Variants in CCDC73 observed in about 807,000 individuals in gnomAD.
CCDC73 encodes coiled-coil domain-containing protein 73.
A neutral mutation model predicts 116.5 loss-of-function variants in CCDC73; 95 were observed. That is an observed-to-expected ratio of 0.82 (90% confidence interval 0.69 to 0.97). The LOEUF (loss-of-function observed/expected upper bound fraction) is 0.97. Ranked by LOEUF, CCDC73 falls within the 50% of genes least tolerant of loss-of-function variation. The probability of loss-of-function intolerance (pLI) is 0.00; values close to 1 mark genes in which losing one functional copy is unlikely to be tolerated. For synonymous variants in CCDC73, 398 were observed against 401.3 expected, an observed-to-expected ratio of 0.99 and a Z score of 0.10; for missense variants, 1,066 against 1,206.8, an observed-to-expected ratio of 0.88 and a Z score of 1.73.
At chr11:32,698,323 C>A (rs1299874321) in intron 6 of CCDC73, among the ~76,000 whole-genome samples, 1 of 152,084 alleles carries the variant, frequency 6.6e-6, no homozygotes, top group African/African-American at 2.4e-5. Flanking sequence ...CACGCCCAGC[C>A]AACACTGAAG....
At chr11:32,696,702 C>T (rs893813027) in intron 6 of CCDC73, among the ~76,000 whole-genome samples, 1 of 152,038 alleles carries the variant, frequency 6.6e-6, no homozygotes, top group African/African-American at 2.4e-5. Context: ...GCTGGGATTA[C>T]AGGCATGAGC....
chr11:32,702,823 G>T, intron 4 of CCDC73, 50 bp downstream of exon 4: 2 of 1,217,860 alleles, frequency 1.6e-6, no homozygotes, highest in Non-Finnish European at 2.4e-6. Context: ...AGGAGGGGGA[G>T]GAAATGCAAT....
rs1421769618 is a variant in CCDC73, at chr11:32,676,990, T to C, written c.430-969A>G. On this transcript the variant is annotated intron_variant, in intron 7 of 17. Coordinates refer to ENST00000335185, the MANE Select transcript of CCDC73 (RefSeq NM_001008391.4). ...ATGACTTTTAACTCTTAAAAAATAT[T>C]ATGTTAATAAAATCAATAACACTTG... 2.0e-5 allele frequency among the ~76,000 whole-genome samples: 3 copies of C among 152,362 alleles called. No homozygotes were observed. In the East Asian group the frequency reaches 5.8e-4, roughly 29 times the overall value.
chr11:32,763,279 G>A (rs1850408605), intron 1 of CCDC73, among the ~76,000 whole-genome samples: 5 of 152,206 alleles, frequency 3.3e-5, no homozygotes, highest in Admixed American at 3.3e-4. Flanking sequence ...TTTGAGATCT[G>A]AGAACGGACA....
intron 9 of CCDC73, among the ~76,000 whole-genome samples, chr11:32,666,791 T>C (rs1484976344): frequency 6.6e-6 from 1 of 152,226 alleles, no homozygotes; most frequent in Non-Finnish European, 1.5e-5. Flanking sequence ...TTTGTGGTTT[T>C]ATCTACCTTT....
intron 9 of CCDC73, among the ~76,000 whole-genome samples, chr11:32,669,476 CTATT>C (rs1457495718): frequency 1.3e-5 from 2 of 152,120 alleles, no homozygotes; most frequent in Admixed American, 6.5e-5. Context: ...AATCCAATTA[CTATT>C]TAGTTATTTT....
At position 32,614,124 on chromosome 11, in the gene CCDC73, T is replaced by G. The variant is rs374420306; in HGVS notation, c.2194A>C (p.Ser732Arg). Reference protein sequence around the residue: ...LLKNSDKNVHSMSMLVKPNSS... With the variant: ...LLKNSDKNVHRMSMLVKPNSS... ...TTAGGTTTCACCAACATAGACATACTATGGACATTTTTATCTGAGTTCTTC... is the reference window on the plus strand; with the variant it reads ...TTAGGTTTCACCAACATAGACATACGATGGACATTTTTATCTGAGTTCTTC... The change falls in exon 16 of 18, where the codon AGT (serine) becomes CGT (arginine). Residue 732 changes from serine (S) to arginine (R), a missense_variant. Coordinates refer to ENST00000335185, the MANE Select transcript of CCDC73 (RefSeq NM_001008391.4). 1.4e-5 allele frequency: 22 copies of G among 1,613,728 alleles called. No individual in the cohort carries two copies. Among genetic ancestry groups the G allele is most frequent in the Admixed American group, 6.7e-5 (4 of 60,016 alleles).
intron 9 of CCDC73, among the ~76,000 whole-genome samples, chr11:32,659,850 C>T (rs1473357046): frequency 6.6e-6 from 1 of 152,116 alleles, no homozygotes; most frequent in Non-Finnish European, 1.5e-5. Context: ...CTTCCTTAGA[C>T]TATTAACAAG....
chr11:32,718,009 G>C, intron 3 of CCDC73, 67 bp downstream of exon 3: 1 of 1,081,980 alleles, frequency 9.2e-7, no homozygotes, highest in Non-Finnish European at 1.4e-6. Flanking sequence ...TGACACGTGG[G>C]GGTTACGGGG....
chr11:32,661,778 C>T (rs1245738466), intron 9 of CCDC73, among the ~76,000 whole-genome samples: 1 of 151,442 alleles, frequency 6.6e-6, no homozygotes, highest in East Asian at 2.0e-4. Context: ...TGGTGTGCTG[C>T]ACCCATTAAC....
At chr11:32,655,093 T>C (rs1565067638) in intron 9 of CCDC73, 121 bp from the exon 10 acceptor site, 1 of 419,026 alleles carries the variant, frequency 2.4e-6, no homozygotes, top group African/African-American at 9.1e-5. Flanking sequence ...ATAATTCCCT[T>C]GCAAGTTCCC....
At chr11:32,762,712 A>G (rs1358510977) in intron 1 of CCDC73, among the ~76,000 whole-genome samples, 1 of 152,168 alleles carries the variant, frequency 6.6e-6, no homozygotes, top group East Asian at 1.9e-4. Flanking sequence ...TGATTTCTGC[A>G]TTTCTAACTG....
At chr11:32,673,960 A>G (rs761745209) in intron 9 of CCDC73, among the ~76,000 whole-genome samples, 5 of 152,170 alleles carry the variant, frequency 3.3e-5, no homozygotes, top group African/African-American at 4.8e-5. Context: ...GTTGAGGCAC[A>G]TGGCCAGCCT....
Position 32,699,377 on chromosome 11 carries a change from A to G in CCDC73, c.316-52T>C, listed in dbSNP as rs759888294. 3 of 1,450,478 alleles carry G rather than the reference A, an allele frequency of 2.1e-6. No individual in the cohort carries two copies. The African/African-American group carries it at 4.3e-5, about 21-fold the overall frequency. 89.9% of individuals were successfully genotyped at this position (1,450,478 alleles called of 1,614,324 possible). A position where few individuals can be genotyped will look rare whatever the true frequency, so the allele number is the denominator to read the frequency against. ...ACTTTCCAATGTAAATAATAATACA[A>G]AGGGTAAAATATAAGAGCTCAAGAA... On this transcript the variant is annotated intron_variant, in intron 5 of 17. Transcript: ENST00000335185.
intron 12 of CCDC73, among the ~76,000 whole-genome samples, chr11:32,649,764 T>C (rs1855810271): frequency 6.6e-6 from 1 of 152,190 alleles, no homozygotes; most frequent in Non-Finnish European, 1.5e-5. Context: ...GACTATCCTT[T>C]ATCCTGAGAT....
At chr11:32,662,503 G>C (rs1001037912) in intron 9 of CCDC73, among the ~76,000 whole-genome samples, 2 of 151,680 alleles carry the variant, frequency 1.3e-5, no homozygotes, top group South Asian at 4.2e-4. Flanking sequence ...GTGTCTGCTC[G>C]TCTCCTTTGC....
chr11:32,789,239 C>T (rs1850653953), intron 1 of CCDC73, among the ~76,000 whole-genome samples: 1 of 152,090 alleles, frequency 6.6e-6, no homozygotes, highest in Non-Finnish European at 1.5e-5. Flanking sequence ...TTAGCGACTA[C>T]AGTGAAGGAT....
intron 16 of CCDC73, among the ~76,000 whole-genome samples, chr11:32,612,071 T>C (rs1855426984): frequency 1.3e-5 from 2 of 152,202 alleles, no homozygotes; most frequent in Non-Finnish European, 1.5e-5. Flanking sequence ...TTATTTCCCA[T>C]TGGTAGTAGT....
the CCDC73 span, among the ~76,000 whole-genome samples, chr11:32,814,108 G>A: frequency 1.3e-5 from 2 of 152,080 alleles, no homozygotes; most frequent in African/African-American, 4.8e-5. Flanking sequence ...TCCTTAGTTA[G>A]ATTTATTTTT....
Sources: allele counts gnomAD v4.1 joint callset (sites outside exome capture counted in the v4.1 genomes callset), GRCh38; gene constraint gnomAD v4.1.1; transcripts MANE v1.5; gene names NCBI Gene and HGNC (gene_info 2026-07-23, HGNC 2026-07-21).